Variants in CEP152 observed in about 807,000 individuals in gnomAD.
The protein encoded by CEP152 is centrosomal protein of 152 kDa.
Under a neutral mutation model 188.9 loss-of-function variants are expected in CEP152, and 132 were observed. That is an observed-to-expected ratio of 0.70 (90% confidence interval 0.61 to 0.81). CEP152 has a LOEUF of 0.81. CEP152 is among the 30% of genes least tolerant of loss of function. The probability of loss-of-function intolerance (pLI) is 0.00; values close to 1 mark genes in which losing one functional copy is unlikely to be tolerated. For missense variants in CEP152, 1,914 were observed against 1,969.8 expected, an observed-to-expected ratio of 0.97 and a Z score of 0.54; for synonymous variants, 649 against 666.6, an observed-to-expected ratio of 0.97 and a Z score of 0.41.
intron 10 of CEP152, 57 bp downstream of exon 10, chr15:48,783,916 T>G (rs1896445412): frequency 6.3e-7 from 1 of 1,593,278 alleles, no homozygotes; most frequent in East Asian, 2.2e-5. Flanking sequence ...CCTACTACAT[T>G]CTTTCTGCAT....
intron 24 of CEP152, among the ~76,000 whole-genome samples, chr15:48,742,967 T>C (rs2140572847): frequency 6.6e-6 from 1 of 152,308 alleles, no homozygotes; most frequent in Admixed American, 6.5e-5. Flanking sequence ...TGGGAGACTG[T>C]TTTTCATTAT....
chr15:48,739,970 C>A (rs1566972656), intron 26 of CEP152, among the ~76,000 whole-genome samples: 1 of 152,148 alleles, frequency 6.6e-6, no homozygotes, highest in African/African-American at 2.4e-5. Context: ...TACAAATAAT[C>A]TTTGGCTTGT....
intron 24 of CEP152, among the ~76,000 whole-genome samples, chr15:48,743,858 G>A (rs1417364388): frequency 6.6e-6 from 1 of 150,596 alleles, no homozygotes; most frequent in African/African-American, 2.4e-5. Context: ...GTGAGATTCC[G>A]TCTCAAAAAA....
intron 9 of CEP152, among the ~76,000 whole-genome samples, chr15:48,787,643 TA>T (rs1383748930): frequency 6.6e-6 from 1 of 152,196 alleles, no homozygotes; most frequent in Non-Finnish European, 1.5e-5. Flanking sequence ...TAGTTCTACC[TA>T]AAAGCATGGA....
intron 18 of CEP152, 102 bp downstream of exon 18, chr15:48,762,288 TA>T: frequency 1.7e-6 from 2 of 1,146,050 alleles, no homozygotes; most frequent in Non-Finnish European, 1.3e-6. Context: ...CACAAAATCT[TA>T]AAAGTATAAA....
intron 17 of CEP152, 151 bp from the exon 18 acceptor site, chr15:48,762,823 A>G (rs1894788107): frequency 1.3e-6 from 1 of 751,830 alleles, no homozygotes; most frequent in Non-Finnish European, 2.1e-6. Context: ...AATTTAGTCA[A>G]TTAAAATACA....
chr15:48,777,364 A>G (rs1048479833), intron 12 of CEP152, among the ~76,000 whole-genome samples: 2 of 152,048 alleles, frequency 1.3e-5, no homozygotes, highest in Admixed American at 6.6e-5. Context: ...CTGTTCCAAA[A>G]ATATATTTTT....
intron 20 of CEP152, among the ~76,000 whole-genome samples, chr15:48,754,591 T>C (rs1404773916): frequency 1.3e-5 from 2 of 152,176 alleles, no homozygotes; most frequent in African/African-American, 4.8e-5. Flanking sequence ...AAATTTTACA[T>C]TGAAGGCAAC....
At chr15:48,783,883 C>T in intron 10 of CEP152, 90 bp downstream of exon 10, 1 of 1,342,984 alleles carries the variant, frequency 7.4e-7, no homozygotes, top group African/African-American at 1.5e-5. Flanking sequence ...TCTGTCCCTT[C>T]TGGATTTTTA....
At chr15:48,790,691 A>T (rs932791957) in intron 8 of CEP152, among the ~76,000 whole-genome samples, 1 of 152,038 alleles carries the variant, frequency 6.6e-6, no homozygotes, top group Admixed American at 6.6e-5. Flanking sequence ...CTCAGCCTCC[A>T]GAGTAGCTGG....
intron 20 of CEP152, 79 bp from the exon 21 acceptor site, chr15:48,752,548 A>G: frequency 6.5e-7 from 1 of 1,542,440 alleles, no homozygotes. Flanking sequence ...AATATTAAAA[A>G]TACAAAGAGA....
chr15:48,795,893 C>T, intron 6 of CEP152, 117 bp downstream of exon 6: 1 of 941,622 alleles, frequency 1.1e-6, no homozygotes, highest in Non-Finnish European at 1.6e-6. Flanking sequence ...ATATCAAGCA[C>T]AATTCTATTG....
downstream of CEP152, among the ~76,000 whole-genome samples, chr15:48,737,053 G>A (rs1304686198): frequency 6.6e-6 from 1 of 152,184 alleles, no homozygotes; most frequent in Admixed American, 6.5e-5. Flanking sequence ...TTCAAGCACT[G>A]AAGTCCAGGA....
intron 9 of CEP152, among the ~76,000 whole-genome samples, chr15:48,785,081 A>C (rs2140856625): frequency 6.6e-6 from 1 of 152,280 alleles, no homozygotes; most frequent in African/African-American, 2.4e-5. Flanking sequence ...AATAAGAAGA[A>C]TACTGAGAAA....
At chr15:48,791,052 A>T (rs530397078) in intron 8 of CEP152, among the ~76,000 whole-genome samples, 185 bp downstream of exon 8, 24 of 152,354 alleles carry the variant, frequency 1.6e-4, no homozygotes, top group African/African-American at 4.1e-4. Flanking sequence ...AAGCAGCAGG[A>T]AAAATAAAAA....
chr15:48,808,126 A>G (rs910030759), intron 1 of CEP152, among the ~76,000 whole-genome samples: 1 of 152,056 alleles, frequency 6.6e-6, no homozygotes, highest in African/African-American at 2.4e-5. Flanking sequence ...AAAAATATAT[A>G]TAGTAAAAAG....
chr15:48,784,193 A>C, intron 9 of CEP152, 73 bp from the exon 10 acceptor site: 1 of 1,372,624 alleles, frequency 7.3e-7, no homozygotes, highest in Non-Finnish European at 1.0e-6. Context: ...AAATTATGAT[A>C]CATAATTAGA....
chr15:48,782,125 G>A lies in CEP152; in HGVS notation c.1413+14C>T, dbSNP rs767737676. On this transcript the variant is annotated intron_variant, in intron 11 of 26. Transcript: ENST00000380950. ...CAGATACCCATAGAGCCTCTTCCAA[G>A]TGGCAACACTCACTTGCAAAGCCTT... 6.2e-6 allele frequency: 10 copies of A among 1,610,512 alleles called. No individual in the cohort carries two copies. Among genetic ancestry groups the A allele is most frequent in the Non-Finnish European group, 8.5e-6 (10 of 1,177,004 alleles).
chr15:48,796,163 G>A lies in CEP152; in HGVS notation c.541-3C>T, dbSNP rs1041790062. 3.1e-6 allele frequency: 5 copies of A among 1,613,282 alleles called. No individual in the cohort carries two copies. The African/African-American group carries it at 5.3e-5, about 17-fold the overall frequency. Reference sequence around the variant, plus strand: ...TCCAAACCTTGACAACTGGGACCCTGTGATAACAAATGAAACTGACAATTA... The same window carrying A: ...TCCAAACCTTGACAACTGGGACCCTATGATAACAAATGAAACTGACAATTA... On this transcript the variant is annotated splice_region_variant and splice_polypyrimidine_tract_variant and intron_variant, in intron 5 of 26. Coordinates refer to ENST00000380950, the MANE Select transcript of CEP152 (RefSeq NM_001194998.2).
Sources: allele counts gnomAD v4.1 joint callset (sites outside exome capture counted in the v4.1 genomes callset), GRCh38; gene constraint gnomAD v4.1.1; transcripts MANE v1.5; gene names NCBI Gene and HGNC (gene_info 2026-07-23, HGNC 2026-07-21).